BACE2: variants seen among roughly 807,000 people sequenced by gnomAD.
The protein encoded by BACE2 is beta-secretase 2.
A neutral mutation model predicts 46.2 loss-of-function variants in BACE2; 17 were observed. The observed-to-expected ratio is 0.37, with a 90% CI of 0.25 to 0.55. BACE2 has a LOEUF of 0.55. Ranked by LOEUF, BACE2 falls within the 20% of genes least tolerant of loss-of-function variation. BACE2 has a pLI of 0.82. For missense variants in BACE2, 595 were observed against 698.1 expected, an observed-to-expected ratio of 0.85 and a Z score of 1.66; for synonymous variants, 277 against 295.9, an observed-to-expected ratio of 0.94 and a Z score of 0.66.
At chr21:41,199,771 G>A (rs952053518) in intron 1 of BACE2, among the ~76,000 whole-genome samples, 1 of 152,132 alleles carries the variant, frequency 6.6e-6, no homozygotes, top group African/African-American at 2.4e-5. Flanking sequence ...CAGGCAAGGT[G>A]GTGTGTGCCC....
At chr21:41,175,035 C>T (rs192900252) in intron 1 of BACE2, among the ~76,000 whole-genome samples, 2 of 152,224 alleles carry the variant, frequency 1.3e-5, no homozygotes, top group Admixed American at 6.5e-5. Context: ...TCCCCTTCAT[C>T]CTCTCTTGGC....
At chr21:41,172,558 G>T (rs1984643851) in intron 1 of BACE2, among the ~76,000 whole-genome samples, 1 of 152,246 alleles carries the variant, frequency 6.6e-6, no homozygotes, top group Non-Finnish European at 1.5e-5. Flanking sequence ...ATCTGGGTCA[G>T]CCCAGCTCAG....
chr21:41,199,912 G>A (rs1985896514), intron 1 of BACE2, among the ~76,000 whole-genome samples: 1 of 151,916 alleles, frequency 6.6e-6, no homozygotes. Flanking sequence ...GCGGTGTTTG[G>A]TTTTTTGTCC....
At chr21:41,200,957 C>G (rs550646922) in intron 1 of BACE2, among the ~76,000 whole-genome samples, 1 of 152,316 alleles carries the variant, frequency 6.6e-6, no homozygotes, top group South Asian at 2.1e-4. Flanking sequence ...GACCTAGGCC[C>G]TGACTGGGTT....
At chr21:41,195,835 A>T (rs1985714168) in intron 1 of BACE2, among the ~76,000 whole-genome samples, 1 of 152,248 alleles carries the variant, frequency 6.6e-6, no homozygotes, top group Non-Finnish European at 1.5e-5. Flanking sequence ...CCAAGATAGC[A>T]TTCAAGGGTT....
intron 1 of BACE2, chr21:41,179,632 G>A (rs1985031830): frequency 2.2e-6 from 3 of 1,365,428 alleles, no homozygotes; most frequent in Non-Finnish European, 2.9e-6. Flanking sequence ...CTTTCATCTA[G>A]TTTAAAATTG....
rs1416057504 is a variant in BACE2 at position 41,275,526 on chromosome 21, A to G, written c.1459A>G (p.Ile487Val). The G allele has an allele frequency of 6.2e-7, 1 of 1,613,880 alleles. No homozygotes were observed. Among genetic ancestry groups the G allele is most frequent in the East Asian group, 2.2e-5 (1 of 44,868 alleles). The stretch of plus-strand genomic sequence containing the variant: ...CTGTGGAGCCATCCTCCTTGTCTTA[A>G]TCGTCCTGCTGCTGCTGCCGTTCCG... The part of the protein sequence containing the change: ...SVCGAILLVL[I>V]VLLLLPFRCQ... Residue 487 changes from isoleucine (I) to valine (V), a missense_variant, in exon 9 of 9, where the codon ATC becomes GTC. By Grantham distance (29) the Ile-to-Val change is conservative. Transcript: ENST00000330333.
chr21:41,224,064 C>A (rs1986735067), intron 1 of BACE2, among the ~76,000 whole-genome samples: 1 of 152,066 alleles, frequency 6.6e-6, no homozygotes, highest in Non-Finnish European at 1.5e-5. Context: ...AAGAATATTT[C>A]CAGGAAGAGG....
chr21:41,204,102 C>T (rs972830270), intron 1 of BACE2, among the ~76,000 whole-genome samples: 3 of 152,156 alleles, frequency 2.0e-5, no homozygotes, highest in East Asian at 1.9e-4. Context: ...CTGTAGCCTC[C>T]GCCTCCCGGG....
chr21:41,217,440 C>A (rs910769227), intron 1 of BACE2, among the ~76,000 whole-genome samples: 2 of 152,152 alleles, frequency 1.3e-5, no homozygotes, highest in African/African-American at 4.8e-5. Flanking sequence ...TACCCCCCTC[C>A]TTTCCCTCTT....
At chr21:41,241,195 G>A (rs1987276531) in intron 3 of BACE2, among the ~76,000 whole-genome samples, 1 of 152,196 alleles carries the variant, frequency 6.6e-6, no homozygotes, top group Non-Finnish European at 1.5e-5. Context: ...ATGTGAGGGA[G>A]ACACAGAGCA....
intron 8 of BACE2, among the ~76,000 whole-genome samples, chr21:41,262,743 A>G (rs1351297804): frequency 6.6e-6 from 1 of 152,132 alleles, no homozygotes; most frequent in Non-Finnish European, 1.5e-5. Context: ...ACTTATTCCT[A>G]TGTACCTCTT....
At chr21:41,245,537 T>C (rs1261389466) in intron 5 of BACE2, among the ~76,000 whole-genome samples, 1 of 152,238 alleles carries the variant, frequency 6.6e-6, no homozygotes, top group African/African-American at 2.4e-5. Flanking sequence ...TTCTCTTCGT[T>C]AGTGAGGTCA....
chr21:41,254,998 G>T (rs1987740763), intron 7 of BACE2, among the ~76,000 whole-genome samples: 2 of 152,238 alleles, frequency 1.3e-5, no homozygotes, highest in Admixed American at 1.3e-4. Context: ...GCGAGGGAGT[G>T]ATTTGATTCC....
rs143032275 is a variant in BACE2, at chr21:41,254,813, C to T, written c.1135-2345C>T. ...TGCTGACCCACAGATGCTGTCTTCT[C>T]TCTGATGTTGATTACTTCTTCCTCT... is the stretch of plus-strand genomic sequence containing the variant. On this transcript the variant is annotated intron_variant, in intron 7 of 8. Coordinates refer to ENST00000330333, the MANE Select transcript of BACE2 (RefSeq NM_012105.5). Among the ~76,000 whole-genome samples the T allele has an allele frequency of 3.4e-3, 524 of 152,344 alleles. 10 individuals are homozygous for T. Among genetic ancestry groups the T allele is most frequent in the East Asian group, 0.031 (163 of 5,186 alleles).
chr21:41,169,621 T>C lies in BACE2; in HGVS notation c.312+1046T>C, dbSNP rs116267418. 7.2e-3 allele frequency among the ~76,000 whole-genome samples: 1,099 copies of C among 152,290 alleles called. 16 individuals carry two copies. Among genetic ancestry groups the C allele is most frequent in the African/African-American group, 0.025 (1,056 of 41,564 alleles). On this transcript the variant is annotated intron_variant, in intron 1 of 8. Transcript: ENST00000330333. ...GATTCAGCTATGATTCCCCCATAAA[T>C]AGAACATACTCATGACTTTTGTATA...
At chr21:41,230,790 A>G (rs553120598) in intron 2 of BACE2, among the ~76,000 whole-genome samples, 2 of 152,260 alleles carry the variant, frequency 1.3e-5, no homozygotes, top group African/African-American at 4.8e-5. Flanking sequence ...CCATCTTTTC[A>G]TGGTGGTGAA....
At chr21:41,252,129 A>C (rs1391640149) in intron 7 of BACE2, among the ~76,000 whole-genome samples, 1 of 152,022 alleles carries the variant, frequency 6.6e-6, no homozygotes, top group Non-Finnish European at 1.5e-5. Flanking sequence ...CTTTCACCCG[A>C]GCCTCCCCTG....
chr21:41,237,768 GGATGA>G (rs1194227590), intron 3 of BACE2, 39 bp downstream of exon 3: 2 of 1,550,732 alleles, frequency 1.3e-6, no homozygotes. Flanking sequence ...TCAAATAACA[GGATGA>G]GATTCTGAAA....
Sources: allele counts gnomAD v4.1 joint callset (sites outside exome capture counted in the v4.1 genomes callset), GRCh38; gene constraint gnomAD v4.1.1; transcripts MANE v1.5; gene names NCBI Gene and HGNC (gene_info 2026-07-23, HGNC 2026-07-21).